ELP4: variants seen among roughly 807,000 people sequenced by gnomAD.
ELP4 encodes the protein elongator complex protein 4.
ELP4 carries 51 observed loss-of-function variants against 48.9 expected under a neutral mutation model. The observed-to-expected ratio is 1.04, with a 90% CI of 0.83 to 1.32. ELP4 has a LOEUF of 1.32. ELP4 is among the 40% of genes most tolerant of loss of function. The pLI is 0.00. For synonymous variants in ELP4, 210 were observed against 189.2 expected (o/e 1.11, Z -0.90); for missense variants, 519 against 514.6 (o/e 1.01, Z -0.08).
intron 9 of ELP4, among the ~76,000 whole-genome samples, chr11:31,686,758 A>C (rs1284496388): frequency 6.6e-6 from 1 of 152,026 alleles, no homozygotes; most frequent in East Asian, 1.9e-4. Flanking sequence ...GGTCCCAGCT[A>C]CTTGGGAGGC....
chr11:31,599,321 C>G (rs763130965), intron 4 of ELP4: 3 of 152,048 alleles, frequency 2.0e-5, no homozygotes, highest in Non-Finnish European at 2.9e-5. Context: ...ATAGAACCAC[C>G]TTCTGACTTC....
intron 9 of ELP4, among the ~76,000 whole-genome samples, chr11:31,705,121 G>C (rs1453379547): frequency 1.3e-5 from 2 of 152,096 alleles, no homozygotes; most frequent in South Asian, 4.1e-4. Flanking sequence ...CCAGAAACTG[G>C]GTAATTTATA....
chr11:31,682,091 T>C, intron 9 of ELP4: 1 of 1,264,416 alleles, frequency 7.9e-7, no homozygotes, highest in African/African-American at 1.6e-5. Flanking sequence ...TAGATACTGA[T>C]GTTGATTTAG....
At chr11:31,678,495 A>ATGTGTGTGTGTG (rs71060498) in intron 9 of ELP4, among the ~76,000 whole-genome samples, 3 of 137,416 alleles carry the variant, frequency 2.2e-5, no homozygotes, top group African/African-American at 9.1e-5. Flanking sequence ...ACATATATGT[A>ATGTGTGTGTGTG]TGTGTGTGTG....
At position 31,685,441 on chromosome 11, in the gene ELP4, T is replaced by C. The variant is rs1327686966; in HGVS notation, c.1143+35220T>C. ...TAATTTACCCAACCTGTGCATTTTT[T>C]TACTCTATATTTCCAATTACATAGT... On this transcript the variant is annotated intron_variant, in intron 9 of 9. Transcript: ENST00000640961. Among the ~76,000 whole-genome samples, 3 of 152,210 alleles carry C rather than the reference T, an allele frequency of 2.0e-5. 1 individual carries two copies. The highest frequency in any genetic ancestry group is 4.4e-5 in the Non-Finnish European group (3 of 68,028).
At chr11:31,564,599 A>T (rs920644463) in intron 3 of ELP4, among the ~76,000 whole-genome samples, 1 of 152,028 alleles carries the variant, frequency 6.6e-6, no homozygotes, top group Non-Finnish European at 1.5e-5. Flanking sequence ...TCATTGTTCA[A>T]TTCCTACCTA....
At chr11:31,721,280 A>C (rs1946953552) in intron 9 of ELP4, among the ~76,000 whole-genome samples, 1 of 152,146 alleles carries the variant, frequency 6.6e-6, no homozygotes, top group African/African-American at 2.4e-5. Flanking sequence ...GTGTAAATCT[A>C]GTCTGATGCC....
chr11:31,511,682 A>G (rs1956012384), intron 1 of ELP4: 1 of 152,182 alleles, frequency 6.6e-6, no homozygotes. Context: ...TGAAATTTTT[A>G]CGTATTCTTT....
chr11:31,732,480 A>AT (rs200461624), intron 9 of ELP4, among the ~76,000 whole-genome samples: 3,004 of 151,826 alleles, frequency 0.02, 95 homozygotes, highest in African/African-American at 0.064. Context: ...AAAAAAAAAA[A>AT]AAATAAATGA....
chr11:31,521,890 C>G (rs929088880), intron 2 of ELP4, among the ~76,000 whole-genome samples: 2 of 152,124 alleles, frequency 1.3e-5, no homozygotes, highest in Admixed American at 1.3e-4. Context: ...GTCCTGTGTT[C>G]TCTCAACTCA....
intron 3 of ELP4, among the ~76,000 whole-genome samples, chr11:31,560,955 C>A (rs573407993): frequency 6.6e-6 from 1 of 152,082 alleles, no homozygotes; most frequent in South Asian, 2.1e-4. Flanking sequence ...GTAAGCTATA[C>A]CATATAGCCT....
chr11:31,515,088 A>G (rs1243667002), intron 1 of ELP4, among the ~76,000 whole-genome samples: 1 of 151,026 alleles, frequency 6.6e-6, no homozygotes, highest in African/African-American at 2.4e-5. Context: ...CTTAAAACAC[A>G]TAGAGTAAAA....
chr11:31,521,892 C>T (rs909133713), intron 2 of ELP4, among the ~76,000 whole-genome samples: 2 of 152,130 alleles, frequency 1.3e-5, no homozygotes, highest in African/African-American at 4.8e-5. Flanking sequence ...CCTGTGTTCT[C>T]TCAACTCAGC....
intron 9 of ELP4, among the ~76,000 whole-genome samples, chr11:31,655,478 C>T (rs912923859): frequency 6.6e-6 from 1 of 152,014 alleles, no homozygotes; most frequent in Non-Finnish European, 1.5e-5. Context: ...GTTAGCTATG[C>T]TGCAGCAAAC....
chr11:31,774,379 A>G (rs1948204327), intron 9 of ELP4, among the ~76,000 whole-genome samples: 1 of 152,182 alleles, frequency 6.6e-6, no homozygotes, highest in Non-Finnish European at 1.5e-5. Context: ...GGGCACAGAC[A>G]TCTGCAAAGG....
chr11:31,744,732 A>G (rs1263492418), intron 9 of ELP4, among the ~76,000 whole-genome samples: 2 of 152,194 alleles, frequency 1.3e-5, no homozygotes, highest in Non-Finnish European at 2.9e-5. Flanking sequence ...TATTGATGGG[A>G]CGTATCTCAA....
At chr11:31,750,928 G>A (rs917812584) in intron 9 of ELP4, among the ~76,000 whole-genome samples, 3 of 152,160 alleles carry the variant, frequency 2.0e-5, no homozygotes, top group Non-Finnish European at 2.9e-5. Context: ...GAAATGTGCA[G>A]AAGAAACATT....
intron 9 of ELP4, among the ~76,000 whole-genome samples, chr11:31,705,398 G>A (rs1802594984): frequency 6.6e-6 from 1 of 152,060 alleles, no homozygotes; most frequent in South Asian, 2.1e-4. Flanking sequence ...TATGAATTTG[G>A]GGACTAAGTT....
chr11:31,544,381 T>G (rs1956654688), intron 3 of ELP4, among the ~76,000 whole-genome samples: 1 of 152,192 alleles, frequency 6.6e-6, no homozygotes. Context: ...CCTACGCCCA[T>G]GGAGTCTCCC....
Sources: allele counts gnomAD v4.1 joint callset (sites outside exome capture counted in the v4.1 genomes callset), GRCh38; gene constraint gnomAD v4.1.1; transcripts MANE v1.5; gene names NCBI Gene and HGNC (gene_info 2026-07-23, HGNC 2026-07-21).